RCN1: variants seen among roughly 807,000 people sequenced by gnomAD.
The protein encoded by RCN1 is reticulocalbin-1.
RCN1 carries 14 observed loss-of-function variants against 34.7 expected under a neutral mutation model. The observed-to-expected ratio is 0.40, with a 90% CI of 0.27 to 0.63. RCN1 has a LOEUF of 0.63. Ranked by LOEUF, RCN1 falls within the 30% of genes least tolerant of loss-of-function variation. The probability of loss-of-function intolerance (pLI) is 0.37; values close to 1 mark genes in which losing one functional copy is unlikely to be tolerated. For synonymous variants in RCN1, 125 were observed against 165.5 expected, an observed-to-expected ratio of 0.76 and a Z score of 1.88; for missense variants, 326 against 425.1, an observed-to-expected ratio of 0.77 and a Z score of 2.05.
At chr11:32,095,016 T>A (rs529551963) in intron 1 of RCN1, among the ~76,000 whole-genome samples, 1 of 152,336 alleles carries the variant, frequency 6.6e-6, no homozygotes, top group East Asian at 1.9e-4. Flanking sequence ...TTAGATGCTG[T>A]CCTTTCCACA....
At position 32,094,275 on chromosome 11, in the gene RCN1, C is replaced by T. The variant is rs545148771; in HGVS notation, c.254+2825C>T. On this transcript the variant is annotated intron_variant, in intron 1 of 5. Transcript: ENST00000054950. ...GTGACAGCTCTAAGGCCCCTAAAGA[C>T]ACCTGGACCAGAGGTTGCAAAGTGG... 4.6e-5 allele frequency among the ~76,000 whole-genome samples: 7 copies of T among 152,314 alleles called. No individual in the cohort carries two copies. The South Asian group carries it at 1.2e-3, about 27-fold the overall frequency.
chr11:32,095,124 C>T (rs1291582181), intron 1 of RCN1, among the ~76,000 whole-genome samples: 1 of 152,180 alleles, frequency 6.6e-6, no homozygotes, highest in African/African-American at 2.4e-5. Context: ...TCCCCAGGAT[C>T]AGAGCAGTGC....
intron 5 of RCN1, 91 bp downstream of exon 5, chr11:32,103,571 A>G (rs1357751867): frequency 2.7e-6 from 3 of 1,092,860 alleles, no homozygotes; most frequent in Non-Finnish European, 4.2e-6. Flanking sequence ...GCATTGACCC[A>G]TGTGGCCATG....
chr11:32,102,766 A>T, intron 4 of RCN1: 3 of 322,860 alleles, frequency 9.3e-6, no homozygotes, highest in African/African-American at 2.2e-5. Context: ...CATTGTTTTC[A>T]TCTGTAAAAT....
chr11:32,104,366 A>T lies in RCN1; in HGVS notation c.890A>T (p.Asp297Val). 2.6e-6 allele frequency: 4 copies of T among 1,555,738 alleles called. No homozygotes were observed. The highest frequency in any genetic ancestry group is 3.5e-6 in the Non-Finnish European group (4 of 1,127,154). ...AGTGCTCTTTGATCTCTTCTATAGGATGAGAAGCTAACTAAAGAGGAAATA... is the reference window on the plus strand; with the variant it reads ...AGTGCTCTTTGATCTCTTCTATAGGTTGAGAAGCTAACTAAAGAGGAAATA... Reference protein sequence around the residue: ...HLVYESDKNKDEKLTKEEILE... With the variant: ...HLVYESDKNKVEKLTKEEILE... The change falls in exon 6 of 6, where the codon GAT becomes GTT. Residue 297 changes from aspartate (D) to valine (V), a missense_variant and splice_region_variant. Asp to Val is a radical substitution (Grantham distance 152). Transcript: ENST00000054950.
chr11:32,099,736 G>A (rs1189577532), intron 3 of RCN1, among the ~76,000 whole-genome samples: 2 of 152,226 alleles, frequency 1.3e-5, no homozygotes, highest in African/African-American at 4.8e-5. Flanking sequence ...AGCTGTGGAT[G>A]GTTTTAGTTA....
chr11:32,099,780 C>G lies in RCN1; in HGVS notation c.628-768C>G, dbSNP rs1054789456. ...GTGGAAGGGTCCACTCATGCTTCATCCTCCTGACTGCCATGACTGTAAGGA... is the reference window on the plus strand; with the variant it reads ...GTGGAAGGGTCCACTCATGCTTCATGCTCCTGACTGCCATGACTGTAAGGA... On this transcript the variant is annotated intron_variant, in intron 3 of 5. Coordinates refer to ENST00000054950, the MANE Select transcript of RCN1 (RefSeq NM_002901.4). 2.0e-5 allele frequency among the ~76,000 whole-genome samples: 3 copies of G among 152,328 alleles called. No individual in the cohort carries two copies. The South Asian group carries it at 6.2e-4, about 32-fold the overall frequency.
chr11:32,092,950 C>T (rs961955859), intron 1 of RCN1, among the ~76,000 whole-genome samples: 3 of 152,210 alleles, frequency 2.0e-5, no homozygotes, highest in African/African-American at 7.2e-5. Flanking sequence ...TTCAAAGTCA[C>T]CTCCAAACAA....
intron 4 of RCN1, chr11:32,102,272 A>G (rs1346031997): frequency 6.6e-6 from 1 of 151,492 alleles, no homozygotes; most frequent in Non-Finnish European, 1.5e-5. Flanking sequence ...AAATGGGGGA[A>G]AAAAAGTGAG....
intron 2 of RCN1, 21 bp downstream of exon 2, chr11:32,097,358 G>C (rs369776442): frequency 2.0e-6 from 3 of 1,505,558 alleles, no homozygotes; most frequent in Admixed American, 2.4e-5. Context: ...CTGCAGGAGC[G>C]ATGACACAGT....
At chr11:32,103,982 G>A (rs553961917) in intron 5 of RCN1, among the ~76,000 whole-genome samples, 2 of 152,252 alleles carry the variant, frequency 1.3e-5, no homozygotes, top group Admixed American at 1.3e-4. Flanking sequence ...AAAATGTCCT[G>A]CCTATTCCCC....
At chr11:32,099,515 G>C (rs1852011943) in intron 3 of RCN1, among the ~76,000 whole-genome samples, 1 of 152,174 alleles carries the variant, frequency 6.6e-6, no homozygotes, top group Non-Finnish European at 1.5e-5. Context: ...TTGGAGGGTG[G>C]GTGGATCAGG....
Position 32,100,475 on chromosome 11 carries a change from G to T in RCN1, c.628-73G>T, listed in dbSNP as rs1239675215. On this transcript the variant is annotated intron_variant, in intron 3 of 5. Coordinates refer to ENST00000054950, the MANE Select transcript of RCN1 (RefSeq NM_002901.4). ...ATTCAGCCGTAAAAGCTGGACAAAT[G>T]AGGACAATAGAATTCTCAGACTTCT... The T allele has an allele frequency of 1.1e-5, 13 of 1,234,458 alleles. 2 individuals are homozygous for T. In the South Asian group the frequency reaches 1.6e-4, roughly 15 times the overall value. 76.5% of individuals were successfully genotyped at this position (1,234,458 alleles called of 1,614,324 possible). A position where few individuals can be genotyped will look rare whatever the true frequency, so the allele number is the denominator to read the frequency against.
At chr11:32,104,310 G>A (rs774043055) in intron 5 of RCN1, 55 bp from the exon 6 acceptor site, 71 of 1,029,456 alleles carry the variant, frequency 6.9e-5, no homozygotes, top group Non-Finnish European at 1.0e-4. Flanking sequence ...ACATCATACA[G>A]AACTAGTACA....
At chr11:32,091,706 G>A (rs1487638853) in intron 1 of RCN1, 4 of 491,032 alleles carry the variant, frequency 8.1e-6, no homozygotes, top group Non-Finnish European at 1.4e-5. Flanking sequence ...GGCAGCGGCC[G>A]CGGGAGCCAG....
At chr11:32,092,102 G>A (rs950526100) in intron 1 of RCN1, among the ~76,000 whole-genome samples, 1 of 152,044 alleles carries the variant, frequency 6.6e-6, no homozygotes, top group Admixed American at 6.5e-5. Context: ...GAGGTCAGGA[G>A]TTCGAGACCA....
chr11:32,095,574 A>AT (rs1851964569), intron 1 of RCN1, among the ~76,000 whole-genome samples: 1 of 151,940 alleles, frequency 6.6e-6, no homozygotes, highest in African/African-American at 2.4e-5. Flanking sequence ...CACCTGGCTA[A>AT]TTTTTTTGTA....
In RCN1 at chr11:32,097,270, T is replaced by C; in HGVS notation, c.381T>C (p.Tyr127=). ...ATGTCGCCAAAGTCTGGAAGGATTATGATAGGGACAAGGATGATAAAATTT... is the reference window on the plus strand; with the variant it reads ...ATGTCGCCAAAGTCTGGAAGGATTACGATAGGGACAAGGATGATAAAATTT... ...FDNVAKVWKD[Y]DRDKDDKISW... The change falls in exon 2 of 6, where the codon TAT becomes TAC. Residue 127 remains tyrosine, a synonymous_variant. Transcript: ENST00000054950. 1.2e-6 allele frequency: 2 copies of C among 1,604,740 alleles called. No homozygotes were observed. The highest frequency in any genetic ancestry group is 1.7e-6 in the Non-Finnish European group (2 of 1,177,542).
At chr11:32,091,521 G>C (rs1210709244) in intron 1 of RCN1, 71 bp downstream of exon 1, 6 of 1,497,442 alleles carry the variant, frequency 4.0e-6, no homozygotes, top group Non-Finnish European at 5.3e-6. Context: ...AGAGCCACGC[G>C]GGATACCACC....
Sources: gnomAD v4.1 joint callset for allele counts (sites outside exome capture counted in the v4.1 genomes callset) on GRCh38, gnomAD v4.1.1 for gene constraint, MANE v1.5 for transcripts, NCBI Gene and HGNC (gene_info 2026-07-23, HGNC 2026-07-21) for gene names.